Variants in CSMD2 observed in about 807,000 individuals in gnomAD.
CSMD2 encodes the protein CUB and Sushi multiple domains 2.
A neutral mutation model predicts 398.5 loss-of-function variants in CSMD2; 130 were observed. The ratio of observed to expected loss-of-function variants is 0.33; its 90% CI spans 0.28 to 0.38. The LOEUF is 0.38. CSMD2 is among the 10% of genes least tolerant of loss of function. The pLI, the probability that CSMD2 is intolerant of heterozygous loss-of-function variation, is 1.00. For missense variants in CSMD2, 3,829 were observed against 4,764.9 expected (o/e 0.80, Z 5.78); for synonymous variants, 1,828 against 1,908.5 (o/e 0.96, Z 1.10).
chr1:33,600,820 C>T, intron 44 of CSMD2, 45 bp downstream of exon 44: 4 of 1,605,148 alleles, frequency 2.5e-6, no homozygotes, highest in Admixed American at 1.7e-5. Flanking sequence ...TCAGCCTTGA[C>T]TTGAAAGCCT....
chr1:34,092,336 T>G (rs1385855302), intron 1 of CSMD2, among the ~76,000 whole-genome samples: 7 of 152,190 alleles, frequency 4.6e-5, no homozygotes, highest in African/African-American at 1.7e-4. Context: ...AAAAGCCCAA[T>G]GACCCGTTTT....
At chr1:34,129,908 T>G (rs933804264) in intron 1 of CSMD2, among the ~76,000 whole-genome samples, 2 of 152,114 alleles carry the variant, frequency 1.3e-5, no homozygotes, top group African/African-American at 4.8e-5. Context: ...CTGCTCACCC[T>G]CTCTGAGTCT....
Position 34,163,782 on chromosome 1 carries a change from T to C in CSMD2, c.187+1129A>G, listed in dbSNP as rs999121665. ...GTCAGCCTCGCGGGCTAAATGAAAA[T>C]GCGGTTCCAGGCATCCCGGTTTGGA... is the stretch of plus-strand genomic sequence containing the variant. On this transcript the variant is annotated intron_variant, in intron 1 of 70. Transcript: ENST00000373381. The surrounding 1 kb of genome is among the most constrained non-coding windows in gnomAD (Gnocchi z 5.4). Among the ~76,000 whole-genome samples, 5 of 152,106 alleles carry C rather than the reference T, an allele frequency of 3.3e-5. No individual in the cohort carries two copies. The highest frequency in any genetic ancestry group is 4.8e-5 in the African/African-American group (2 of 41,412).
At chr1:34,083,341 T>C (rs966819921) in intron 2 of CSMD2, among the ~76,000 whole-genome samples, 1 of 152,234 alleles carries the variant, frequency 6.6e-6, no homozygotes, top group Non-Finnish European at 1.5e-5. Flanking sequence ...TTCAACCCTA[T>C]ATATCTGTGT....
chr1:33,708,684 C>T (rs538952079), intron 22 of CSMD2, among the ~76,000 whole-genome samples: 24 of 151,750 alleles, frequency 1.6e-4, no homozygotes, highest in African/African-American at 5.8e-4. Context: ...TCACTGTAAC[C>T]TCAACCTCCC....
chr1:34,060,930 C>T (rs1411129166), intron 2 of CSMD2, among the ~76,000 whole-genome samples: 7 of 152,018 alleles, frequency 4.6e-5, no homozygotes, highest in Admixed American at 4.6e-4. Flanking sequence ...AGGCCCCACC[C>T]ACCTGTATCC....
rs555640112 is a variant in CSMD2 at position 34,083,782 on chromosome 1, G to T, written c.404+5195C>A. ...AAGAGTGCAAAAATTAGCCAGGCGT[G>T]GGGGCTCATGCCTGTAGTCCCAGCT... On this transcript the variant is annotated intron_variant, in intron 2 of 70. Transcript: ENST00000373381. Among the ~76,000 whole-genome samples the T allele has an allele frequency of 2.0e-5, 3 of 152,034 alleles. No individual in the cohort carries two copies. The East Asian group carries it at 5.8e-4, about 29-fold the overall frequency.
chr1:34,147,329 C>G (rs1639868988), intron 1 of CSMD2, among the ~76,000 whole-genome samples: 1 of 151,972 alleles, frequency 6.6e-6, no homozygotes, highest in Non-Finnish European at 1.5e-5. Flanking sequence ...GCTGGAAGCT[C>G]CAATATTAAA....
chr1:33,945,351 T>C (rs949928970), intron 3 of CSMD2, among the ~76,000 whole-genome samples: 22 of 152,200 alleles, frequency 1.4e-4, no homozygotes, highest in African/African-American at 5.3e-4. Flanking sequence ...GTTTCTTGTA[T>C]TTTAATTTGC....
At position 33,542,888 on chromosome 1, in the gene CSMD2, A is replaced by G. The variant is rs1268277648; in HGVS notation, c.9109T>C (p.Cys3037Arg). 1.9e-6 allele frequency: 3 copies of G among 1,614,054 alleles called. No homozygotes were observed. The Admixed American group carries it at 5.0e-5, about 27-fold the overall frequency. ...TTACTTGGAGTCCCAGGGTTCCCAC[A>G]AGAGATCACTAGGAAGACAAAAATA... is the stretch of plus-strand genomic sequence containing the variant. Reference protein sequence around the residue: ...GSQPECGVISCGNPGTPSNAR... With the variant: ...GSQPECGVISRGNPGTPSNAR... Residue 3037 changes from cysteine (C) to arginine (R), a missense_variant, in exon 58 of 71, where the codon TGT (cysteine) becomes CGT (arginine). Coordinates refer to ENST00000373381, the MANE Select transcript of CSMD2 (RefSeq NM_001281956.2).
chr1:33,906,271 G>A (rs1205550327), intron 5 of CSMD2, among the ~76,000 whole-genome samples: 1 of 152,226 alleles, frequency 6.6e-6, no homozygotes, highest in African/African-American at 2.4e-5. Flanking sequence ...AGATCCAGAT[G>A]GGCCTTGTGT....
intron 47 of CSMD2, among the ~76,000 whole-genome samples, chr1:33,581,748 C>T (rs915651589): frequency 4.3e-4 from 65 of 151,960 alleles, no homozygotes; most frequent in African/African-American, 1.5e-3. Flanking sequence ...GATTGCATCC[C>T]GAGGGGGCTG....
At position 34,088,980 on chromosome 1, in the gene CSMD2, G is replaced by A. The variant is rs377466001; in HGVS notation, c.401C>T (p.Thr134Met). The A allele has an allele frequency of 9.9e-6, 16 of 1,612,686 alleles. No individual in the cohort carries two copies. Among genetic ancestry groups the A allele is most frequent in the South Asian group, 2.2e-5 (2 of 91,046 alleles). Residue 134 changes from threonine to methionine, a missense_variant, in exon 2 of 71, where the codon ACG becomes ATG. Coordinates refer to ENST00000373381, the MANE Select transcript of CSMD2 (RefSeq NM_001281956.2). ...GGGAAGGTGGGCAGCATGGTACCTC[G>A]TACGCAGATTCTCTGGCTGGGGTGG... is the stretch of plus-strand genomic sequence containing the variant. ...DGPPQPENLR[T>M]RLTGFQLPAT... is the part of the protein sequence containing the mutation.
At chr1:33,603,154 T>C (rs982112071) in intron 42 of CSMD2, among the ~76,000 whole-genome samples, 1 of 152,024 alleles carries the variant, frequency 6.6e-6, no homozygotes, top group African/African-American at 2.4e-5. Flanking sequence ...AGGATTGTGG[T>C]GGTGATGAGG....
intron 5 of CSMD2, among the ~76,000 whole-genome samples, chr1:33,898,335 C>A (rs919212843): frequency 6.6e-6 from 1 of 152,168 alleles, no homozygotes; most frequent in Admixed American, 6.5e-5. Flanking sequence ...GAAGACATAG[C>A]TGACAATGAA....
intron 2 of CSMD2, among the ~76,000 whole-genome samples, chr1:34,035,420 C>T (rs1289951138): frequency 2.0e-5 from 3 of 152,006 alleles, no homozygotes; most frequent in Non-Finnish European, 4.4e-5. Context: ...AAATGAAGAT[C>T]AATATTTCAC....
chr1:33,966,922 G>C (rs2125409916), intron 3 of CSMD2, among the ~76,000 whole-genome samples: 1 of 152,306 alleles, frequency 6.6e-6, no homozygotes, highest in South Asian at 2.1e-4. Context: ...TTTCCATAAA[G>C]CACCAGGTGG....
chr1:33,635,151 C>A lies in CSMD2; in HGVS notation c.5086+63G>T, dbSNP rs1361016923. On this transcript the variant is annotated intron_variant, in intron 31 of 70. Transcript: ENST00000373381. The surrounding 1 kb of genome is among the most constrained non-coding windows in gnomAD (Gnocchi z 5.0). ...TAATTGGGAGGCGTCTGAGGAATTG[C>A]TCATTTTGGAATGAGGGTGAGGAGT... is the stretch of plus-strand genomic sequence containing the variant. 2.3e-5 allele frequency: 24 copies of A among 1,022,354 alleles called. No individual in the cohort carries two copies. The East Asian group carries it at 5.8e-4, about 25-fold the overall frequency. 63.3% of individuals were successfully genotyped at this position (1,022,354 alleles called of 1,614,324 possible).
intron 2 of CSMD2, among the ~76,000 whole-genome samples, chr1:34,049,448 G>A (rs921794797): frequency 3.3e-5 from 5 of 152,122 alleles, no homozygotes; most frequent in African/African-American, 1.2e-4. Context: ...CTGAACTGCT[G>A]CCTTATCCCT....
Sources: allele counts gnomAD v4.1 joint callset (sites outside exome capture counted in the v4.1 genomes callset), GRCh38; gene constraint gnomAD v4.1.1; non-coding constraint Gnocchi (gnomAD v3.1); transcripts MANE v1.5; gene names NCBI Gene and HGNC (gene_info 2026-07-23, HGNC 2026-07-21).